CCDC91: variants seen among roughly 807,000 people sequenced by gnomAD.
CCDC91 encodes the protein coiled-coil domain-containing protein 91.
A neutral mutation model predicts 63.2 loss-of-function variants in CCDC91; 48 were observed. That is an observed-to-expected ratio of 0.76 (90% CI 0.60 to 0.97). The LOEUF is 0.97. Ranked by LOEUF, CCDC91 falls within the 50% of genes least tolerant of loss-of-function variation. CCDC91 has a pLI of 0.00. For synonymous variants in CCDC91, 167 were observed against 165.8 expected (o/e 1.01, Z -0.06); for missense variants, 500 against 494.6 (o/e 1.01, Z -0.10).
At chr12:28,546,558 A>G (rs1400658601) in intron 12 of CCDC91, among the ~76,000 whole-genome samples, 1 of 152,082 alleles carries the variant, frequency 6.6e-6, no homozygotes, top group East Asian at 1.9e-4. Context: ...GGCTCATACA[A>G]TTTCCACAAG....
At chr12:28,342,752 G>A (rs1942525831) in intron 6 of CCDC91, among the ~76,000 whole-genome samples, 1 of 152,074 alleles carries the variant, frequency 6.6e-6, no homozygotes, top group Non-Finnish European at 1.5e-5. Context: ...GTAATAGTAG[G>A]GAAGACTACA....
chr12:28,271,589 T>C (rs1481897695), intron 3 of CCDC91, among the ~76,000 whole-genome samples: 11 of 151,940 alleles, frequency 7.2e-5, no homozygotes, highest in Admixed American at 7.2e-4. Context: ...ATTTGATTGC[T>C]TTTTATTGTT....
chr12:28,442,768 G>A (rs1220327309), intron 8 of CCDC91, among the ~76,000 whole-genome samples: 5 of 151,946 alleles, frequency 3.3e-5, no homozygotes, highest in South Asian at 2.1e-4. Context: ...ACAAAAGACC[G>A]TTTTTGAAAT....
intron 6 of CCDC91, among the ~76,000 whole-genome samples, chr12:28,317,081 C>T (rs1939968594): frequency 6.6e-6 from 1 of 151,990 alleles, no homozygotes; most frequent in African/African-American, 2.4e-5. Flanking sequence ...GTTGCCATGT[C>T]TGTCTGATGT....
At chr12:28,270,827 TAAG>T (rs1215490375) in intron 3 of CCDC91, among the ~76,000 whole-genome samples, 1 of 152,098 alleles carries the variant, frequency 6.6e-6, no homozygotes, top group Non-Finnish European at 1.5e-5. Context: ...CGTTAGGAGG[TAAG>T]ACTGTTTACG....
intron 8 of CCDC91, among the ~76,000 whole-genome samples, chr12:28,432,217 T>C (rs1948668213): frequency 6.6e-6 from 1 of 152,044 alleles, no homozygotes; most frequent in Non-Finnish European, 1.5e-5. Context: ...TCTTTGGATG[T>C]ACCACAGTTT....
At chr12:28,492,701 A>G (rs1218534048) in intron 12 of CCDC91, among the ~76,000 whole-genome samples, 1 of 151,630 alleles carries the variant, frequency 6.6e-6, no homozygotes, top group African/African-American at 2.4e-5. Flanking sequence ...GGTACTCAGT[A>G]ATATACAAAA....
At chr12:28,277,907 C>T (rs754285893) in intron 3 of CCDC91, among the ~76,000 whole-genome samples, 1 of 151,982 alleles carries the variant, frequency 6.6e-6, no homozygotes, top group Non-Finnish European at 1.5e-5. Flanking sequence ...TTTTCATTCA[C>T]TGTTATCCTT....
intron 3 of CCDC91, among the ~76,000 whole-genome samples, chr12:28,267,863 TTA>T (rs377569125): frequency 1.1e-4 from 5 of 44,776 alleles, no homozygotes; most frequent in Non-Finnish European, 2.4e-4. Flanking sequence ...TAATATATAA[TTA>T]TATATAATTA....
chr12:28,441,469 A>T (rs777865469), intron 8 of CCDC91, among the ~76,000 whole-genome samples: 13 of 152,088 alleles, frequency 8.5e-5, no homozygotes, highest in Non-Finnish European at 1.8e-4. Flanking sequence ...GAGAATGGGT[A>T]AACAAATTAT....
At chr12:28,396,671 TGTGTGTGTGG>T (rs1210755791) in intron 8 of CCDC91, among the ~76,000 whole-genome samples, 1 of 147,504 alleles carries the variant, frequency 6.8e-6, no homozygotes, top group East Asian at 2.0e-4. Flanking sequence ...TGTGTGTGTG[TGTGTGTGTGG>T]GCATGTGTGT....
At chr12:28,345,103 G>A (rs1942712630) in intron 6 of CCDC91, among the ~76,000 whole-genome samples, 1 of 152,018 alleles carries the variant, frequency 6.6e-6, no homozygotes, top group African/African-American at 2.4e-5. Context: ...AAGTACAAAA[G>A]GCTATACAGT....
chr12:28,477,589 T>A (rs11049649), intron 11 of CCDC91, among the ~76,000 whole-genome samples: 5,230 of 152,240 alleles, frequency 0.034, 130 homozygotes, highest in Non-Finnish European at 0.052. Flanking sequence ...CCACTTCTAT[T>A]GAACATAGTG....
chr12:28,523,832 G>A (rs931260344), intron 12 of CCDC91, among the ~76,000 whole-genome samples: 216 of 152,224 alleles, frequency 1.4e-3, no homozygotes, highest in Admixed American at 4.5e-3. Context: ...CTTCACTTAT[G>A]AAGCTTAGTT....
chr12:28,372,702 T>A (rs1944698052), intron 7 of CCDC91, among the ~76,000 whole-genome samples: 1 of 152,224 alleles, frequency 6.6e-6, no homozygotes, highest in Non-Finnish European at 1.5e-5. Context: ...TTTACTGAAT[T>A]CATTTATCAA....
chr12:28,549,105 C>G lies in CCDC91; in HGVS notation c.1258C>G (p.Leu420Val). Reference protein sequence around the residue: ...IRQRSLSSLELFLSCAQKQLS... With the variant: ...IRQRSLSSLEVFLSCAQKQLS... ...CCAAAGAAGCCTGTCCAGTTTGGAACTGTTCCTCTCCTGTGCACAGAAACA... is the reference window on the plus strand; with the variant it reads ...CCAAAGAAGCCTGTCCAGTTTGGAAGTGTTCCTCTCCTGTGCACAGAAACA... The change falls in exon 13 of 13, where the codon CTG (leucine) becomes GTG (valine). Residue 420 changes from leucine to valine, a missense_variant. Physicochemically the swap from Leu to Val is conservative, Grantham distance 32 (BLOSUM62 1). Transcript: ENST00000536442. 1.2e-6 allele frequency: 2 copies of G among 1,612,872 alleles called. No individual in the cohort carries two copies. The highest frequency in any genetic ancestry group is 1.1e-5 in the South Asian group (1 of 91,032).
chr12:28,272,212 A>T (rs1013631027), intron 3 of CCDC91, among the ~76,000 whole-genome samples: 1 of 151,974 alleles, frequency 6.6e-6, no homozygotes, highest in African/African-American at 2.4e-5. Flanking sequence ...CTACATAAAG[A>T]TACCTTATTT....
intron 12 of CCDC91, among the ~76,000 whole-genome samples, chr12:28,496,693 C>A (rs1486604549): frequency 6.6e-6 from 1 of 151,334 alleles, no homozygotes; most frequent in African/African-American, 2.4e-5. Flanking sequence ...TTGCTAGGTT[C>A]ATCATTTTGT....
At chr12:28,327,948 A>T (rs1023090335) in intron 6 of CCDC91, among the ~76,000 whole-genome samples, 9 of 152,252 alleles carry the variant, frequency 5.9e-5, no homozygotes, top group African/African-American at 2.2e-4. Context: ...TGAGATAGGA[A>T]TTCAGCTAGG....
Sources: allele counts gnomAD v4.1 joint callset (sites outside exome capture counted in the v4.1 genomes callset), GRCh38; gene constraint gnomAD v4.1.1; transcripts MANE v1.5; gene names NCBI Gene and HGNC (gene_info 2026-07-23, HGNC 2026-07-21).